Variants in ZCCHC9 observed in about 807,000 individuals in gnomAD.
The protein encoded by ZCCHC9 is zinc finger CCHC-type containing 9.
Under a neutral mutation model 30.8 loss-of-function variants are expected in ZCCHC9, and 18 were observed. The ratio of observed to expected loss-of-function variants is 0.58; its 90% confidence interval spans 0.40 to 0.87. ZCCHC9 has a LOEUF of 0.87. ZCCHC9 is among the 40% of genes least tolerant of loss of function. The pLI is 0.00. For synonymous variants in ZCCHC9, 94 were observed against 106.7 expected (o/e 0.88, Z 0.73); for missense variants, 279 against 331.2 (o/e 0.84, Z 1.22).
chr5:81,311,422 T>C, intron 5 of ZCCHC9, 143 bp downstream of exon 5: 1 of 883,760 alleles, frequency 1.1e-6, no homozygotes, highest in Non-Finnish European at 1.8e-6. Context: ...ACTTAATCTC[T>C]GTCAGCAATA....
chr5:81,308,696 G>A lies in ZCCHC9; in HGVS notation c.520G>A (p.Val174Ile). ...CGAAATAACCAAGTGTAAGGCTAAA[G>A]TAGACCCGGCTCTTGGTATGTGTTT... is the stretch of plus-strand genomic sequence containing the variant. Reference protein sequence around the residue: ...EHEITKCKAKVDPALGEFPFA... With the variant: ...EHEITKCKAKIDPALGEFPFA... The change falls in exon 3 of 6, where the codon GTA becomes ATA. Residue 174 changes from valine to isoleucine, a missense_variant. Coordinates refer to ENST00000407610, the MANE Select transcript of ZCCHC9 (RefSeq NM_001131035.2). 6.2e-7 allele frequency: 1 copy of A among 1,609,584 alleles called. No individual in the cohort carries two copies. Among genetic ancestry groups the A allele is most frequent in the Non-Finnish European group, 8.5e-7 (1 of 1,178,520 alleles).
At chr5:81,309,160 ATTATTT>A in intron 4 of ZCCHC9, 122 bp downstream of exon 4, 1 of 713,344 alleles carries the variant, frequency 1.4e-6, no homozygotes, top group Non-Finnish European at 2.2e-6. Flanking sequence ...TGAGAATTAC[ATTATTT>A]TTATCAAGTG....
At chr5:81,306,345 T>G (rs911075046) in intron 2 of ZCCHC9, among the ~76,000 whole-genome samples, 1 of 152,234 alleles carries the variant, frequency 6.6e-6, no homozygotes, top group Non-Finnish European at 1.5e-5. Flanking sequence ...GATAGTTATT[T>G]AGAGATAATA....
At chr5:81,305,248 G>C (rs947643615) in intron 2 of ZCCHC9, 107 bp downstream of exon 2, 27 of 1,417,202 alleles carry the variant, frequency 1.9e-5, no homozygotes, top group Non-Finnish European at 2.3e-5. Context: ...TTATGTCCCA[G>C]ATTTATAGAG....
chr5:81,308,871 G>C, intron 3 of ZCCHC9, 75 bp from the exon 4 acceptor site: 1 of 1,420,956 alleles, frequency 7.0e-7, no homozygotes, highest in Non-Finnish European at 9.6e-7. Flanking sequence ...TTTATTCAGA[G>C]TATTTTAAAA....
intron 1 of ZCCHC9, 112 bp from the exon 2 acceptor site, chr5:81,304,629 A>G: frequency 1.1e-6 from 1 of 884,120 alleles, no homozygotes; most frequent in Non-Finnish European, 1.6e-6. Context: ...TTAATAATTA[A>G]AAGTTTAACA....
Position 81,312,683 on chromosome 5 carries a change from A to G in ZCCHC9, c.*21A>G. ...TTTGATAACAGCTAGCACTATCATGAGTTACTACCTCATTGTTACTTTCTA... is the reference window on the plus strand; with the variant it reads ...TTTGATAACAGCTAGCACTATCATGGGTTACTACCTCATTGTTACTTTCTA... On this transcript the variant is annotated 3_prime_UTR_variant, in exon 6 of 6. Coordinates refer to ENST00000407610, the MANE Select transcript of ZCCHC9 (RefSeq NM_001131035.2). The G allele has an allele frequency of 6.5e-7, 1 of 1,537,926 alleles. No homozygotes were observed. The highest frequency in any genetic ancestry group is 9.0e-7 in the Non-Finnish European group (1 of 1,112,228).
At position 81,308,871 on chromosome 5, in the gene ZCCHC9, G is replaced by A. The variant is rs912700212; in HGVS notation, c.536-75G>A. 1.5e-5 allele frequency: 21 copies of A among 1,420,956 alleles called. No homozygotes were observed. In the Admixed American group the frequency reaches 2.4e-4, roughly 17 times the overall value. 88.0% of individuals were successfully genotyped at this position (1,420,956 alleles called of 1,614,324 possible). A position where few individuals can be genotyped will look rare whatever the true frequency, so the allele number is the denominator to read the frequency against. On this transcript the variant is annotated intron_variant, in intron 3 of 5. Transcript: ENST00000407610. Reference sequence around the variant, plus strand: ...TATGTAAATATATTTTTTATTCAGAGTATTTTAAAATAATGTTAATTTTAT... The same window carrying A: ...TATGTAAATATATTTTTTATTCAGAATATTTTAAAATAATGTTAATTTTAT...
At chr5:81,312,177 A>G (rs1758310398) in intron 5 of ZCCHC9, among the ~76,000 whole-genome samples, 1 of 152,208 alleles carries the variant, frequency 6.6e-6, no homozygotes, top group South Asian at 2.1e-4. Flanking sequence ...GATGTTGTAT[A>G]ATTTCACAGG....
chr5:81,307,226 CA>C (rs1332659432), intron 2 of ZCCHC9, among the ~76,000 whole-genome samples: 3 of 152,078 alleles, frequency 2.0e-5, no homozygotes, highest in African/African-American at 4.8e-5. Flanking sequence ...TTTATTGCAG[CA>C]AAAAAATTCT....
intron 2 of ZCCHC9, among the ~76,000 whole-genome samples, chr5:81,306,091 T>A (rs1758075469): frequency 6.6e-6 from 1 of 152,216 alleles, no homozygotes; most frequent in Non-Finnish European, 1.5e-5. Context: ...TTAAAGTATG[T>A]CAGGCAAAGG....
chr5:81,308,943 C>T lies in ZCCHC9; in HGVS notation c.536-3C>T. ...ACTGAATAGGAACTGTTGATTTTTA[C>T]AGGCGAATTTCCTTTTGCAAAATGT... On this transcript the variant is annotated splice_polypyrimidine_tract_variant and splice_region_variant and intron_variant, in intron 3 of 5. Transcript: ENST00000407610. 1 of 1,611,702 alleles carries T rather than the reference C, an allele frequency of 6.2e-7. No individual in the cohort carries two copies. The highest frequency in any genetic ancestry group is 8.5e-7 in the Non-Finnish European group (1 of 1,179,144).
At chr5:81,311,146 C>A in intron 4 of ZCCHC9, 65 bp from the exon 5 acceptor site, 1 of 1,550,608 alleles carries the variant, frequency 6.4e-7, no homozygotes, top group Non-Finnish European at 8.9e-7. Flanking sequence ...TGTGAAAGTG[C>A]TTTGAGATGT....
intron 2 of ZCCHC9, among the ~76,000 whole-genome samples, chr5:81,305,343 G>A (rs897241253): frequency 7.2e-5 from 11 of 152,172 alleles, no homozygotes; most frequent in African/African-American, 2.7e-4. Flanking sequence ...ACACAGCAAA[G>A]GTGATGGCAT....
At chr5:81,309,070 G>A in intron 4 of ZCCHC9, 32 bp downstream of exon 4, 1 of 1,506,428 alleles carries the variant, frequency 6.6e-7, no homozygotes. Context: ...TAGCAGAAAT[G>A]GTGAGTCATC....
intron 2 of ZCCHC9, among the ~76,000 whole-genome samples, chr5:81,306,993 G>C (rs922470549): frequency 6.6e-6 from 1 of 151,818 alleles, no homozygotes; most frequent in South Asian, 2.1e-4. Context: ...GAATTTAAAG[G>C]GACTCATTCT....
intron 2 of ZCCHC9, 127 bp from the exon 3 acceptor site, chr5:81,308,434 A>G: frequency 8.0e-7 from 1 of 1,246,420 alleles, no homozygotes; most frequent in Non-Finnish European, 1.1e-6. Context: ...TTTTTCTACA[A>G]ATATTGAGAT....
chr5:81,311,319 G>T, intron 5 of ZCCHC9, 40 bp downstream of exon 5: 3 of 1,587,204 alleles, frequency 1.9e-6, no homozygotes, highest in South Asian at 1.1e-5. Context: ...GGTGAGATTA[G>T]TATTCCTCTG....
intron 2 of ZCCHC9, among the ~76,000 whole-genome samples, chr5:81,305,933 A>G (rs1758072775): frequency 6.6e-6 from 1 of 152,210 alleles, no homozygotes; most frequent in South Asian, 2.1e-4. Context: ...GGAAAGAGAT[A>G]CATAGGAGTC....
Sources: allele counts gnomAD v4.1 joint callset (sites outside exome capture counted in the v4.1 genomes callset), GRCh38; gene constraint gnomAD v4.1.1; transcripts MANE v1.5; gene names NCBI Gene and HGNC (gene_info 2026-07-23, HGNC 2026-07-21).